Variants in ATXN1 observed in about 807,000 individuals in gnomAD.
ATXN1 encodes the protein ataxin-1.
In ATXN1, 8 loss-of-function variants were observed where a neutral mutation model predicts 56.4. The observed-to-expected ratio is 0.14, with a 90% CI of 0.08 to 0.26. The LOEUF (loss-of-function observed/expected upper bound fraction) is 0.26, where lower values mean the gene tolerates loss of function less well. Ranked by LOEUF, ATXN1 falls within the 10% of genes least tolerant of loss-of-function variation. The pLI, the probability that ATXN1 is intolerant of heterozygous loss-of-function variation, is 1.00. For missense variants in ATXN1, 987 were observed against 1,106.5 expected (o/e 0.89, Z 1.53); for synonymous variants, 514 against 494.6 (o/e 1.04, Z -0.52).
chr6:16,514,105 G>C (rs74588175), intron 5 of ATXN1, among the ~76,000 whole-genome samples: 4,448 of 152,132 alleles, frequency 0.029, 107 homozygotes, highest in African/African-American at 0.049. Flanking sequence ...GAGCCAGGCA[G>C]CTATGAAGAG....
intron 2 of ATXN1, among the ~76,000 whole-genome samples, chr6:16,684,937 C>G (rs1423001755): frequency 6.6e-6 from 1 of 151,410 alleles, no homozygotes; most frequent in East Asian, 1.9e-4. Flanking sequence ...GGAAACAAAT[C>G]AGAAGCACAA....
intron 6 of ATXN1, among the ~76,000 whole-genome samples, chr6:16,348,899 T>C (rs1761505510): frequency 6.6e-6 from 1 of 152,154 alleles, no homozygotes; most frequent in Non-Finnish European, 1.5e-5. Flanking sequence ...GGCCACCTGA[T>C]TTGGAATCCT....
At chr6:16,329,425 C>G (rs1236440425) in intron 6 of ATXN1, among the ~76,000 whole-genome samples, 1 of 152,186 alleles carries the variant, frequency 6.6e-6, no homozygotes, top group Admixed American at 6.5e-5. Context: ...CACACACACA[C>G]GCCAACTCAG....
At chr6:16,404,464 C>G (rs995756246) in intron 6 of ATXN1, among the ~76,000 whole-genome samples, 1 of 152,204 alleles carries the variant, frequency 6.6e-6, no homozygotes, top group African/African-American at 2.4e-5. Flanking sequence ...TGGTTCACAT[C>G]TGTCAGGTCC....
At chr6:16,704,659 C>T (rs1305341516) in intron 2 of ATXN1, among the ~76,000 whole-genome samples, 1 of 152,178 alleles carries the variant, frequency 6.6e-6, no homozygotes, top group Non-Finnish European at 1.5e-5. Context: ...TGTGATTCTA[C>T]ACCCGGGGTG....
In ATXN1 at chr6:16,436,671, G is replaced by A. The variant is rs569287779; in HGVS notation, c.-161+49301C>T. Among the ~76,000 whole-genome samples the A allele has an allele frequency of 1.3e-4, 20 of 152,056 alleles. 1 individual carries two copies. The highest frequency in any genetic ancestry group is 4.3e-4 in the African/African-American group (18 of 41,486). On this transcript the variant is annotated intron_variant, in intron 6 of 7. Transcript: ENST00000436367. ...GGTGTGTTGGAGGAACACCATCGAG[G>A]TGGTGTTCCTGGCACTGAGTAAAGG...
At chr6:16,455,929 C>T (rs1391552470) in intron 6 of ATXN1, among the ~76,000 whole-genome samples, 1 of 152,096 alleles carries the variant, frequency 6.6e-6, no homozygotes, top group Non-Finnish European at 1.5e-5. Context: ...GTAAAATGCA[C>T]CAATCAGCAG....
intron 4 of ATXN1, among the ~76,000 whole-genome samples, chr6:16,528,060 G>A (rs192208698): frequency 1.3e-5 from 2 of 151,974 alleles, no homozygotes; most frequent in South Asian, 2.1e-4. Context: ...CAGCACTTTC[G>A]GAGGCCAAGG....
chr6:16,628,411 A>G (rs753966944), intron 3 of ATXN1, among the ~76,000 whole-genome samples: 6 of 152,146 alleles, frequency 3.9e-5, no homozygotes, highest in Admixed American at 2.0e-4. Flanking sequence ...AATTAGCAAA[A>G]CCATATTTCA....
intron 6 of ATXN1, among the ~76,000 whole-genome samples, chr6:16,343,795 G>A (rs1203062320): frequency 6.6e-6 from 1 of 152,158 alleles, no homozygotes; most frequent in East Asian, 1.9e-4. Flanking sequence ...CCATTACTCA[G>A]CTCTACCTCT....
intron 6 of ATXN1, among the ~76,000 whole-genome samples, chr6:16,457,543 C>A (rs1483876377): frequency 6.6e-6 from 1 of 152,032 alleles, no homozygotes; most frequent in African/African-American, 2.4e-5. Flanking sequence ...TACGGTCTGG[C>A]CTTAATATTA....
intron 7 of ATXN1, among the ~76,000 whole-genome samples, chr6:16,312,086 A>G (rs141716380): frequency 3.0e-4 from 46 of 152,310 alleles, no homozygotes; most frequent in Non-Finnish European, 5.4e-4. Context: ...GGCAATATTT[A>G]ATTTTCTGAA....
rs542910121 is a variant in ATXN1, at chr6:16,517,670, G to A, written c.-299+4957C>T. 2.6e-5 allele frequency among the ~76,000 whole-genome samples: 4 copies of A among 152,272 alleles called. No homozygotes were observed. In the South Asian group the frequency reaches 8.3e-4, roughly 32 times the overall value. On this transcript the variant is annotated intron_variant, in intron 5 of 7. Coordinates refer to ENST00000436367, the MANE Select transcript of ATXN1 (RefSeq NM_001128164.2). ...GTGAAGTATTACAGAGCCAGAGAGA[G>A]AGAGAACACAAGTACATACAAATAC...
In ATXN1 at chr6:16,729,044, A is replaced by T. The variant is rs541361311; in HGVS notation, c.-615+24189T>A. Among the ~76,000 whole-genome samples the T allele has an allele frequency of 9.8e-5, 15 of 152,360 alleles. No individual in the cohort carries two copies. In the South Asian group the frequency reaches 1.7e-3, roughly 17 times the overall value. On this transcript the variant is annotated intron_variant, in intron 2 of 7. Transcript: ENST00000436367. ...CCTCAGCAATCCAAACACAGCAGACATCTGAGAAATCCTGAAACAAGTCTT... is the reference window on the plus strand; with the variant it reads ...CCTCAGCAATCCAAACACAGCAGACTTCTGAGAAATCCTGAAACAAGTCTT...
At position 16,326,988 on chromosome 6, in the gene ATXN1, T is replaced by C; in HGVS notation, c.1323A>G (p.Ser441=). The C allele has an allele frequency of 7.4e-6, 12 of 1,614,158 alleles. No individual in the cohort carries two copies. Among genetic ancestry groups the C allele is most frequent in the Non-Finnish European group, 9.3e-6 (11 of 1,180,022 alleles). The change falls in exon 7 of 8, where the codon TCA becomes TCG. Residue 441 remains serine, a synonymous_variant. Transcript: ENST00000436367. This position sits in a 1 kb window ranked among gnomAD's most constrained non-coding sequence, Gnocchi z 6.6. ...CTGGCAGTCCCACCGGGAGTGGCTCTGAAGCACTGTGTGTGGTCTGAATGA... is the reference window on the plus strand; with the variant it reads ...CTGGCAGTCCCACCGGGAGTGGCTCCGAAGCACTGTGTGTGGTCTGAATGA... ...HTVIQTTHSA[S]EPLPVGLPAT...
intron 3 of ATXN1, among the ~76,000 whole-genome samples, chr6:16,617,772 A>AAAAAAAG (rs1554120382): frequency 6.8e-6 from 1 of 147,864 alleles, no homozygotes; most frequent in Non-Finnish European, 1.5e-5. Context: ...GTCTCAAAAA[A>AAAAAAAG]AAAAAAAAAA....
intron 4 of ATXN1, among the ~76,000 whole-genome samples, chr6:16,582,072 C>T (rs1254577206): frequency 2.0e-5 from 3 of 152,200 alleles, no homozygotes; most frequent in African/African-American, 4.8e-5. Flanking sequence ...TTACCTTCTT[C>T]ATTTCCTGGC....
chr6:16,321,831 C>T (rs1238867012), intron 7 of ATXN1, among the ~76,000 whole-genome samples: 3 of 152,150 alleles, frequency 2.0e-5, no homozygotes, highest in African/African-American at 7.2e-5. Flanking sequence ...TTTTGTTAAC[C>T]GACGCTAATA....
At chr6:16,629,452 C>T (rs1015313959) in intron 3 of ATXN1, among the ~76,000 whole-genome samples, 3 of 152,048 alleles carry the variant, frequency 2.0e-5, no homozygotes, top group Non-Finnish European at 4.4e-5. Context: ...CTCAGCCTCC[C>T]GCGTAGCTGG....
Sources: allele counts gnomAD v4.1 joint callset (sites outside exome capture counted in the v4.1 genomes callset), GRCh38; gene constraint gnomAD v4.1.1; non-coding constraint Gnocchi (gnomAD v3.1); transcripts MANE v1.5; gene names NCBI Gene and HGNC (gene_info 2026-07-23, HGNC 2026-07-21).